The following TAOK3 variants were observed in gnomAD, a reference collection of about 807,000 sequenced individuals.
The protein encoded by TAOK3 is TAO kinase 3.
A neutral mutation model predicts 120.4 loss-of-function variants in TAOK3; 40 were observed. The observed-to-expected ratio is 0.33, with a 90% CI of 0.26 to 0.43. The LOEUF is 0.43. Among genes scored for constraint, TAOK3 ranks in the 20% least tolerant of loss-of-function variants. The pLI, the probability that TAOK3 is intolerant of heterozygous loss-of-function variation, is 1.00. For synonymous variants in TAOK3, 355 were observed against 387.5 expected (o/e 0.92, Z 0.99); for missense variants, 821 against 1,112.1 (o/e 0.74, Z 3.72).
At chr12:118,166,165 T>A (rs2035565873) in intron 17 of TAOK3, among the ~76,000 whole-genome samples, 6 of 152,216 alleles carry the variant, frequency 3.9e-5, no homozygotes. Flanking sequence ...AGGACTAACA[T>A]AAAGTTACAC....
intron 2 of TAOK3, among the ~76,000 whole-genome samples, chr12:118,260,791 C>T (rs2041194949): frequency 6.6e-6 from 1 of 152,194 alleles, no homozygotes; most frequent in Admixed American, 6.5e-5. Context: ...AGCACTTCTC[C>T]TGCCTCAGCC....
chr12:118,151,293 A>ACTT, intron 20 of TAOK3, 135 bp from the exon 21 acceptor site: 1 of 244,998 alleles, frequency 4.1e-6, no homozygotes, highest in Non-Finnish European at 7.2e-6. Flanking sequence ...GCGCGCGCAC[A>ACTT]CACACACACA....
At chr12:118,181,286 A>C (rs1593065662) in intron 15 of TAOK3, 85 bp downstream of exon 15, 1 of 1,174,974 alleles carries the variant, frequency 8.5e-7, no homozygotes, top group Non-Finnish European at 1.2e-6. Context: ...TCCATCCCCC[A>C]CTCCTGCCTC....
At chr12:118,190,603 A>C (rs1759146387) in intron 13 of TAOK3, 1 of 152,236 alleles carries the variant, frequency 6.6e-6, no homozygotes. Flanking sequence ...GTACAATTTT[A>C]ACCAAATGAT....
chr12:118,197,948 G>A (rs929539405), intron 13 of TAOK3, among the ~76,000 whole-genome samples: 7 of 151,884 alleles, frequency 4.6e-5, no homozygotes, highest in African/African-American at 1.2e-4. Context: ...CGGCCATTGC[G>A]CCTGGCCTCA....
chr12:118,201,209 C>G, intron 12 of TAOK3, 87 bp downstream of exon 12: 2 of 1,254,304 alleles, frequency 1.6e-6, no homozygotes, highest in Non-Finnish European at 2.2e-6. Flanking sequence ...TAATTTTTAT[C>G]TTCAAAAGTT....
chr12:118,304,607 GA>G (rs1170574590), intron 1 of TAOK3, among the ~76,000 whole-genome samples: 15 of 151,998 alleles, frequency 9.9e-5, no homozygotes, highest in Admixed American at 9.8e-4. Flanking sequence ...AATGTAATCT[GA>G]AATAAGAAGC....
chr12:118,287,926 C>T (rs2042323511), intron 1 of TAOK3, among the ~76,000 whole-genome samples: 1 of 152,046 alleles, frequency 6.6e-6, no homozygotes, highest in Non-Finnish European at 1.5e-5. Flanking sequence ...GTATTTATAA[C>T]TTTTGACTCC....
chr12:118,209,359 G>T (rs968041332), intron 11 of TAOK3, among the ~76,000 whole-genome samples: 1 of 152,188 alleles, frequency 6.6e-6, no homozygotes, highest in African/African-American at 2.4e-5. Context: ...GTGGTTGCTA[G>T]TGAGGGGGCC....
rs1287475814 is a variant in TAOK3 at position 118,165,230 on chromosome 12, G to C, written c.1900-3203C>G. Among the ~76,000 whole-genome samples the C allele has an allele frequency of 2.0e-5, 3 of 152,122 alleles. No homozygotes were observed. The East Asian group carries it at 5.8e-4, about 29-fold the overall frequency. ...CCCGTAGGTGGCACCAAAGGATGGA[G>C]AGCCCTTCCCACAGACGAAAGCTCT... On this transcript the variant is annotated intron_variant, in intron 17 of 20. Coordinates refer to ENST00000392533, the MANE Select transcript of TAOK3 (RefSeq NM_016281.4).
intron 11 of TAOK3, among the ~76,000 whole-genome samples, chr12:118,206,704 C>A (rs927877256): frequency 1.3e-5 from 2 of 152,044 alleles, no homozygotes; most frequent in Non-Finnish European, 2.9e-5. Flanking sequence ...TCAAGCAATT[C>A]CCCTGTTTCA....
At chr12:118,272,647 C>T (rs1443565418) in intron 1 of TAOK3, among the ~76,000 whole-genome samples, 2 of 152,056 alleles carry the variant, frequency 1.3e-5, no homozygotes, top group Non-Finnish European at 2.9e-5. Context: ...CACATCACAC[C>T]TCTGTGGCAG....
At chr12:118,303,054 G>A (rs1220245108) in intron 1 of TAOK3, among the ~76,000 whole-genome samples, 1 of 152,120 alleles carries the variant, frequency 6.6e-6, no homozygotes, top group Non-Finnish European at 1.5e-5. Flanking sequence ...CAAAGTACCT[G>A]ACACCACTCT....
intron 1 of TAOK3, among the ~76,000 whole-genome samples, chr12:118,332,427 A>AT (rs1360169269): frequency 3.9e-5 from 6 of 151,936 alleles, no homozygotes; most frequent in East Asian, 1.9e-4. Flanking sequence ...TCAGTCTTTT[A>AT]TTTTTTTAAA....
rs928847767 is a variant in TAOK3, at chr12:118,363,774, G to GAGAC, written c.-194+8870_-194+8873dup. Among the ~76,000 whole-genome samples, 11 of 151,782 alleles carry GAGAC rather than the reference G, an allele frequency of 7.2e-5. 1 individual carries two copies. Among genetic ancestry groups the GAGAC allele is most frequent in the South Asian group, 6.2e-4 (3 of 4,802 alleles). On this transcript the variant is annotated intron_variant, in intron 1 of 20. Coordinates refer to ENST00000392533, the MANE Select transcript of TAOK3 (RefSeq NM_016281.4). ...TGTGTGTGAGAGAGAGAGAGAGAGA[G>GAGAC]AGACAGACAGACAGACACACAGACA...
intron 5 of TAOK3, among the ~76,000 whole-genome samples, chr12:118,240,765 G>A (rs974500873): frequency 6.6e-6 from 1 of 151,848 alleles, no homozygotes; most frequent in African/African-American, 2.4e-5. Flanking sequence ...ACAAATTATT[G>A]TTATTTAAAA....
In TAOK3 at chr12:118,199,084, T is replaced by C. The variant is rs147120155; in HGVS notation, c.1161A>G (p.Thr387=). 18 of 1,614,050 alleles carry C rather than the reference T, an allele frequency of 1.1e-5. No individual in the cohort carries two copies. The highest frequency in any genetic ancestry group is 1.5e-5 in the Non-Finnish European group (18 of 1,180,030). Residue 387 remains threonine, a synonymous_variant, in exon 13 of 21, where the codon ACA becomes ACG. Coordinates refer to ENST00000392533, the MANE Select transcript of TAOK3 (RefSeq NM_016281.4). ...GCACGACGGAGGAGCTGGAATTGAT[T>C]GTGCTTTCGTCATCGTGCATCATGA... The part of the protein sequence containing the change: ...ELVMMHDDES[T]INSSSSVVHK...
intron 9 of TAOK3, among the ~76,000 whole-genome samples, chr12:118,228,646 T>C (rs778781664): frequency 2.6e-5 from 4 of 152,216 alleles, no homozygotes; most frequent in Non-Finnish European, 5.9e-5. Context: ...ATTTATACAT[T>C]CTCCTTTGGA....
intron 19 of TAOK3, among the ~76,000 whole-genome samples, chr12:118,157,581 C>T (rs2034927593): frequency 6.6e-6 from 1 of 152,238 alleles, no homozygotes. Flanking sequence ...GGAGGCCTCT[C>T]CTGACTCTCC....
Sources: gnomAD v4.1 joint callset for allele counts (sites outside exome capture counted in the v4.1 genomes callset) on GRCh38, gnomAD v4.1.1 for gene constraint, MANE v1.5 for transcripts, NCBI Gene and HGNC (gene_info 2026-07-23, HGNC 2026-07-21) for gene names.